CDC14A: variants seen among roughly 807,000 people sequenced by gnomAD.
CDC14A encodes the protein dual specificity protein phosphatase CDC14A.
CDC14A carries 53 observed loss-of-function variants against 74.4 expected under a neutral mutation model. That is an observed-to-expected ratio of 0.71 (90% confidence interval 0.57 to 0.89). CDC14A has a LOEUF of 0.89. Among genes scored for constraint, CDC14A ranks in the 40% least tolerant of loss-of-function variants. The pLI, the probability that CDC14A is intolerant of heterozygous loss-of-function variation, is 0.00. For missense variants in CDC14A, 646 were observed against 713.7 expected (o/e 0.91, Z 1.08); for synonymous variants, 247 against 258.4 (o/e 0.96, Z 0.43).
chr1:100,498,913 T>C lies in CDC14A; in HGVS notation c.1422-16T>C. 6.2e-7 allele frequency: 1 copy of C among 1,602,006 alleles called. No homozygotes were observed. The highest frequency in any genetic ancestry group is 8.5e-7 in the Non-Finnish European group (1 of 1,173,144). ...GTTGTCTGTTTTTTCCCTCCTCACT[T>C]GTGTTTTCCATTCAGCTTTTCCATA... On this transcript the variant is annotated splice_polypyrimidine_tract_variant and intron_variant, in intron 14 of 15. Transcript: ENST00000336454.
chr1:100,432,354 C>T (rs1663793379), intron 5 of CDC14A, among the ~76,000 whole-genome samples: 1 of 152,220 alleles, frequency 6.6e-6, no homozygotes, highest in Non-Finnish European at 1.5e-5. Context: ...TGGGCATTGT[C>T]TAGCTCTGAA....
chr1:100,503,617 A>ACAGT (rs1429163707), intron 15 of CDC14A, among the ~76,000 whole-genome samples: 1 of 152,224 alleles, frequency 6.6e-6, no homozygotes, highest in Non-Finnish European at 1.5e-5. Context: ...ATGCTGAGGA[A>ACAGT]CAGTCAGATT....
At chr1:100,422,063 A>G (rs989739403) in intron 4 of CDC14A, among the ~76,000 whole-genome samples, 2 of 152,326 alleles carry the variant, frequency 1.3e-5, no homozygotes, top group African/African-American at 2.4e-5. Context: ...TGCCCCAAGA[A>G]TCTTCCTGGA....
chr1:100,361,820 G>A (rs992445070), intron 2 of CDC14A, among the ~76,000 whole-genome samples: 1 of 152,152 alleles, frequency 6.6e-6, no homozygotes, highest in Admixed American at 6.5e-5. Context: ...AGTGACCAGG[G>A]CTCTACTTTA....
At chr1:100,449,266 G>C (rs1468380218) in intron 7 of CDC14A, among the ~76,000 whole-genome samples, 1 of 152,130 alleles carries the variant, frequency 6.6e-6, no homozygotes, top group Non-Finnish European at 1.5e-5. Context: ...TGGATCTTGG[G>C]CCTCTTCGAT....
intron 11 of CDC14A, among the ~76,000 whole-genome samples, chr1:100,487,060 G>T (rs2101374883): frequency 6.6e-6 from 1 of 152,288 alleles, no homozygotes; most frequent in Non-Finnish European, 1.5e-5. Context: ...CAAGTTGCAT[G>T]TGGGTAAAAG....
intron 2 of CDC14A, among the ~76,000 whole-genome samples, chr1:100,374,263 C>T (rs555871569): frequency 2.6e-5 from 4 of 152,210 alleles, no homozygotes; most frequent in South Asian, 2.1e-4. Context: ...CCGCAATAAA[C>T]GTACGTGTGC....
In CDC14A at chr1:100,483,692, A is replaced by G. The variant is rs547317234; in HGVS notation, c.978-600A>G. Among the ~76,000 whole-genome samples, 5 of 152,302 alleles carry G rather than the reference A, an allele frequency of 3.3e-5. No individual in the cohort carries two copies. The South Asian group carries it at 1.0e-3, about 32-fold the overall frequency. On this transcript the variant is annotated intron_variant, in intron 10 of 15. Transcript: ENST00000336454. Reference sequence around the variant, plus strand: ...TGAAAACAGTTGTGATTTTGCCTTAATGAATGAAAGAAAGTTTATACATGA... The same window carrying G: ...TGAAAACAGTTGTGATTTTGCCTTAGTGAATGAAAGAAAGTTTATACATGA...
chr1:100,369,252 G>C (rs1026998370), intron 2 of CDC14A, among the ~76,000 whole-genome samples: 13 of 152,054 alleles, frequency 8.5e-5, no homozygotes, highest in Non-Finnish European at 1.0e-4. Context: ...GTGACTACAG[G>C]CATGTGCCAC....
chr1:100,514,621 T>C (rs887835386), intron 15 of CDC14A, among the ~76,000 whole-genome samples: 2 of 152,202 alleles, frequency 1.3e-5, no homozygotes, highest in African/African-American at 4.8e-5. Flanking sequence ...AAATTCCAGC[T>C]CCACCAATTC....
Position 100,412,755 on chromosome 1 carries a change from TTATATATATATATTATA to T in CDC14A, c.310-11454_310-11438del, listed in dbSNP as rs1557732674. Among the ~76,000 whole-genome samples, 18 of 94,272 alleles carry T rather than the reference TTATATATATATATTATA, an allele frequency of 1.9e-4. 1 individual carries two copies. The highest frequency in any genetic ancestry group is 3.1e-4 in the Admixed American group (3 of 9,626). The allele number at this position is 94,272 out of a possible 152,430, so 61.8% of individuals were successfully genotyped here. On this transcript the variant is annotated intron_variant, in intron 4 of 15. Transcript: ENST00000336454. Reference sequence around the variant, plus strand: ...TATATATATTTTATATATATATATTTTATATATATATATTATATATATATATATAGTATGTATGCAAT... The same window carrying T: ...TATATATATTTTATATATATATATTTTATATATATATAGTATGTATGCAAT...
rs376552480 is a variant in CDC14A, at chr1:100,491,556, A to C, written c.1138-3262A>C. ...TCTCTCTCTCTCTCTCTCTATATAT[A>C]TATATATATATATATATTTTTTTTT... On this transcript the variant is annotated intron_variant, in intron 11 of 15. Transcript: ENST00000336454. 3.5e-3 allele frequency among the ~76,000 whole-genome samples: 180 copies of C among 51,106 alleles called. 1 individual carries two copies. Among genetic ancestry groups the C allele is most frequent in the East Asian group, 0.011 (22 of 1,968 alleles). 33.5% of individuals were successfully genotyped at this position (51,106 alleles called of 152,430 possible).
chr1:100,416,151 C>A (rs1661506932), intron 4 of CDC14A, among the ~76,000 whole-genome samples: 2 of 152,160 alleles, frequency 1.3e-5, no homozygotes, highest in African/African-American at 4.8e-5. Flanking sequence ...CCTTGCAGTG[C>A]ATTTTTATGA....
chr1:100,403,707 A>G (rs181942029), intron 4 of CDC14A, among the ~76,000 whole-genome samples: 2 of 152,296 alleles, frequency 1.3e-5, no homozygotes, highest in East Asian at 3.9e-4. Flanking sequence ...TTACCCTTAA[A>G]GCCCTCTCAT....
At chr1:100,405,625 C>T (rs1479568006) in intron 4 of CDC14A, among the ~76,000 whole-genome samples, 1 of 152,190 alleles carries the variant, frequency 6.6e-6, no homozygotes, top group African/African-American at 2.4e-5. Flanking sequence ...TGAGAACATG[C>T]AGTGTTTGGT....
chr1:100,432,833 G>T (rs1663865655), intron 5 of CDC14A, among the ~76,000 whole-genome samples: 1 of 152,122 alleles, frequency 6.6e-6, no homozygotes, highest in African/African-American at 2.4e-5. Context: ...ATGATCTAGA[G>T]TGTTTTTGCT....
chr1:100,454,808 T>C (rs922738407), intron 7 of CDC14A, among the ~76,000 whole-genome samples: 2 of 152,152 alleles, frequency 1.3e-5, no homozygotes, highest in Admixed American at 6.5e-5. Context: ...AGCACCTGAC[T>C]CTATGTATGT....
intron 2 of CDC14A, among the ~76,000 whole-genome samples, chr1:100,362,653 ATTTAC>A (rs1276139982): frequency 1.3e-5 from 2 of 152,200 alleles, no homozygotes; most frequent in South Asian, 4.1e-4. Flanking sequence ...TTTAGTTTCA[ATTTAC>A]TTAAAAAATA....
rs1312207739 is a variant in CDC14A, at chr1:100,519,194, C to G, written c.*914C>G. On this transcript the variant is annotated 3_prime_UTR_variant, in exon 16 of 16. Coordinates refer to ENST00000336454, the MANE Select transcript of CDC14A (RefSeq NM_003672.4). ...TGCTTTGGGTATGAGGTTGTTGTTG[C>G]CTGTAATCACACATGGTTTGACATC... The G allele has an allele frequency of 1.3e-5, 2 of 151,874 alleles. No individual in the cohort carries two copies. Among genetic ancestry groups the G allele is most frequent in the African/African-American group, 2.4e-5 (1 of 41,326 alleles). 9.4% of individuals were successfully genotyped at this position (151,874 alleles called of 1,614,324 possible). A position where few individuals can be genotyped will look rare whatever the true frequency, so the allele number is the denominator to read the frequency against.
Sources: allele counts gnomAD v4.1 joint callset (sites outside exome capture counted in the v4.1 genomes callset), GRCh38; gene constraint gnomAD v4.1.1; transcripts MANE v1.5; gene names NCBI Gene and HGNC (gene_info 2026-07-23, HGNC 2026-07-21).